HECW1: variants seen among roughly 807,000 people sequenced by gnomAD.
HECW1 encodes E3 ubiquitin-protein ligase HECW1.
HECW1 carries 61 observed loss-of-function variants against 182.3 expected under a neutral mutation model. That is an observed-to-expected ratio of 0.33 (90% CI 0.27 to 0.41). The LOEUF (loss-of-function observed/expected upper bound fraction) is 0.41, where lower values mean the gene tolerates loss of function less well. HECW1 is among the 10% of genes least tolerant of loss of function. The pLI, the probability that HECW1 is intolerant of heterozygous loss-of-function variation, is 1.00. For missense variants in HECW1, 1,739 were observed against 2,108.9 expected (o/e 0.82, Z 3.44); for synonymous variants, 859 against 832.6 (o/e 1.03, Z -0.55).
chr7:43,535,768 G>A (rs115640762), intron 24 of HECW1, among the ~76,000 whole-genome samples: 2,725 of 152,224 alleles, frequency 0.018, 90 homozygotes, highest in African/African-American at 0.063. Context: ...TCACCAACTG[G>A]TAATCAGGGG....
In HECW1 at chr7:43,457,304, A is replaced by C. The variant is rs146471789; in HGVS notation, c.2651+857A>C. On this transcript the variant is annotated intron_variant, in intron 13 of 29. Transcript: ENST00000395891. ...TTCCTTCAGTTGAAATTGCACCCAC[A>C]TGCTGTCTTGCTTTCATGTCAAGTA... Among the ~76,000 whole-genome samples the C allele has an allele frequency of 6.1e-3, 928 of 152,290 alleles. 7 individuals are homozygous for C. Among genetic ancestry groups the C allele is most frequent in the African/African-American group, 0.021 (880 of 41,560 alleles).
chr7:43,137,553 T>TTTATTTAC (rs1787691338), intron 2 of HECW1, among the ~76,000 whole-genome samples: 1 of 150,988 alleles, frequency 6.6e-6, no homozygotes, highest in Non-Finnish European at 1.5e-5. Flanking sequence ...TATTTATTTA[T>TTTATTTAC]TTATTTATTT....
intron 5 of HECW1, among the ~76,000 whole-genome samples, chr7:43,355,266 C>A (rs992238420): frequency 6.6e-6 from 1 of 152,110 alleles, no homozygotes; most frequent in Admixed American, 6.5e-5. Context: ...AAATTAAGTA[C>A]GCAGACAAAC....
chr7:43,410,611 C>T (rs977907623), intron 8 of HECW1, among the ~76,000 whole-genome samples: 10 of 152,120 alleles, frequency 6.6e-5, no homozygotes, highest in South Asian at 4.1e-4. Context: ...TTATTTCTTC[C>T]TTAAATGTTT....
At chr7:43,214,764 G>T (rs1384227386) in intron 2 of HECW1, among the ~76,000 whole-genome samples, 2 of 152,232 alleles carry the variant, frequency 1.3e-5, no homozygotes, top group Non-Finnish European at 2.9e-5. Flanking sequence ...ACGGGCACTA[G>T]CCCAGAAGGA....
At chr7:43,293,076 C>T (rs991555208) in intron 3 of HECW1, among the ~76,000 whole-genome samples, 21 of 151,702 alleles carry the variant, frequency 1.4e-4, no homozygotes, top group African/African-American at 2.7e-4. Context: ...TAGAATTAGC[C>T]GGGCGTGGTG....
At chr7:43,485,328 T>C (rs1293235295) in intron 17 of HECW1, among the ~76,000 whole-genome samples, 1 of 152,224 alleles carries the variant, frequency 6.6e-6, no homozygotes, top group Non-Finnish European at 1.5e-5. Flanking sequence ...TTCTTAAAAT[T>C]GGTCATTTTC....
intron 5 of HECW1, among the ~76,000 whole-genome samples, chr7:43,351,294 G>A (rs1472043893): frequency 6.6e-6 from 1 of 152,120 alleles, no homozygotes; most frequent in African/African-American, 2.4e-5. Flanking sequence ...GACTCCATAG[G>A]GGTCCTTGGC....
At chr7:43,135,318 C>T (rs1185633606) in intron 2 of HECW1, among the ~76,000 whole-genome samples, 1 of 152,090 alleles carries the variant, frequency 6.6e-6, no homozygotes, top group African/African-American at 2.4e-5. Flanking sequence ...TCTGACATGC[C>T]TCATTCACCT....
At chr7:43,487,978 G>A (rs1334732071) in intron 17 of HECW1, among the ~76,000 whole-genome samples, 1 of 148,024 alleles carries the variant, frequency 6.8e-6, no homozygotes, top group Non-Finnish European at 1.5e-5. Flanking sequence ...GAGAGAGAGA[G>A]AGAGAAAGAA....
chr7:43,478,154 C>T (rs964671122), intron 16 of HECW1, among the ~76,000 whole-genome samples: 6 of 152,168 alleles, frequency 3.9e-5, no homozygotes, highest in East Asian at 1.9e-4. Context: ...TGGTGGCTCA[C>T]GCCTGTAACC....
At chr7:43,391,559 GACTTCTTAGT>G (rs1332475932) in intron 6 of HECW1, among the ~76,000 whole-genome samples, 1 of 152,174 alleles carries the variant, frequency 6.6e-6, no homozygotes, top group Non-Finnish European at 1.5e-5. Flanking sequence ...CCTTTGTTGG[GACTTCTTAGT>G]CTTTATCTCA....
chr7:43,313,230 G>A (rs1808758907), intron 4 of HECW1, among the ~76,000 whole-genome samples: 1 of 151,796 alleles, frequency 6.6e-6, no homozygotes, highest in Non-Finnish European at 1.5e-5. Context: ...TAGCTGAACT[G>A]GATTTCCAAA....
intron 9 of HECW1, chr7:43,438,902 T>A (rs1281576174): frequency 1.3e-5 from 2 of 152,174 alleles, no homozygotes; most frequent in African/African-American, 4.8e-5. Context: ...GAGAAAAAAA[T>A]ATGCAGAATT....
At chr7:43,311,305 G>A (rs997894622) in intron 3 of HECW1, among the ~76,000 whole-genome samples, 3 of 152,204 alleles carry the variant, frequency 2.0e-5, no homozygotes, top group African/African-American at 7.2e-5. Flanking sequence ...TCTGGGCTGT[G>A]TGTAGGGACC....
At chr7:43,152,875 T>C (rs1789490512) in intron 2 of HECW1, among the ~76,000 whole-genome samples, 1 of 152,148 alleles carries the variant, frequency 6.6e-6, no homozygotes, top group Non-Finnish European at 1.5e-5. Context: ...GACTGTGAGT[T>C]TGGGAGCTGG....
At position 43,363,054 on chromosome 7, in the gene HECW1, G is replaced by A. The variant is rs544197852; in HGVS notation, c.555+2074G>A. 1.4e-4 allele frequency among the ~76,000 whole-genome samples: 21 copies of A among 152,280 alleles called. No homozygotes were observed. In the South Asian group the frequency reaches 1.5e-3, roughly 11 times the overall value. On this transcript the variant is annotated intron_variant, in intron 6 of 29. Coordinates refer to ENST00000395891, the MANE Select transcript of HECW1 (RefSeq NM_015052.5). ...AATAAAGCTCCCTAGAGCATTTGTC[G>A]TCTCTGAACTCAGCCTGCTGGAGAC...
chr7:43,135,138 T>TA, intron 2 of HECW1, among the ~76,000 whole-genome samples: 1 of 152,300 alleles, frequency 6.6e-6, no homozygotes, highest in East Asian at 1.9e-4. Flanking sequence ...TTTTTTCACT[T>TA]ACTAACAGGG....
rs549527862 is a variant in HECW1, at chr7:43,476,472, T to G, written c.3100-3138T>G. On this transcript the variant is annotated intron_variant, in intron 16 of 29. Coordinates refer to ENST00000395891, the MANE Select transcript of HECW1 (RefSeq NM_015052.5). The stretch of plus-strand genomic sequence containing the variant: ...AGTCTCAAAGTGATTCTAAACAAAA[T>G]CCCAATAGAACTATTTTTGGAACTT... Among the ~76,000 whole-genome samples, 84 of 152,190 alleles carry G rather than the reference T, an allele frequency of 5.5e-4. 2 individuals carry two copies. In the East Asian group the frequency reaches 0.012, roughly 22 times the overall value.
Sources: gnomAD v4.1 joint callset for allele counts (sites outside exome capture counted in the v4.1 genomes callset) on GRCh38, gnomAD v4.1.1 for gene constraint, MANE v1.5 for transcripts, NCBI Gene and HGNC (gene_info 2026-07-23, HGNC 2026-07-21) for gene names.